The following XDH variants were observed in gnomAD, a reference collection of about 807,000 sequenced individuals.
XDH encodes xanthine dehydrogenase/oxidase.
In XDH, 138 loss-of-function variants were observed where a neutral mutation model predicts 156.1. The observed-to-expected ratio is 0.88, with a 90% CI of 0.77 to 1.02. The LOEUF is 1.02. Among genes scored for constraint, XDH ranks in the 50% least tolerant of loss-of-function variants. The pLI is 0.00. For synonymous variants in XDH, 669 were observed against 625.7 expected, an observed-to-expected ratio of 1.07 and a Z score of -1.03; for missense variants, 1,849 against 1,684.9, an observed-to-expected ratio of 1.10 and a Z score of -1.71.
chr2:31,394,495 T>C (rs563253333), intron 6 of XDH, among the ~76,000 whole-genome samples: 94 of 152,282 alleles, frequency 6.2e-4, no homozygotes, highest in South Asian at 4.6e-3. Flanking sequence ...TGCCTTGGTA[T>C]AGTTTTTGTT....
chr2:31,343,629 G>C (rs1397196423), intron 31 of XDH, among the ~76,000 whole-genome samples: 1 of 131,030 alleles, frequency 7.6e-6, no homozygotes, highest in Non-Finnish European at 1.7e-5. Context: ...ATATGGCATA[G>C]AAATGTTTTG....
rs772307239 is a variant in XDH at position 31,372,185 on chromosome 2, C to T, written c.1856+43G>A. 6.2e-6 allele frequency: 10 copies of T among 1,613,880 alleles called. No individual in the cohort carries two copies. The African/African-American group carries it at 6.7e-5, about 11-fold the overall frequency. On this transcript the variant is annotated intron_variant, in intron 17 of 35. Coordinates refer to ENST00000379416, the MANE Select transcript of XDH (RefSeq NM_000379.4). ...AGTCTCCTGGGTACTCCCAGTGGCC[C>T]CCTCACAGCATTCCACCAGCTCCTC...
At chr2:31,348,803 A>G (rs1021847187) in intron 27 of XDH, 96 bp downstream of exon 27, 6 of 1,113,998 alleles carry the variant, frequency 5.4e-6, no homozygotes, top group Admixed American at 3.6e-5. Flanking sequence ...AAGCCCTGTT[A>G]CCAGTGACAA....
Position 31,365,526 on chromosome 2 carries a change from T to G in XDH, c.2475A>C (p.Arg825=), listed in dbSNP as rs1685889243. 2 of 1,614,144 alleles carry G rather than the reference T, an allele frequency of 1.2e-6. No individual in the cohort carries two copies. The highest frequency in any genetic ancestry group is 4.5e-5 in the East Asian group (2 of 44,860). The change falls in exon 23 of 36, where the codon CGA becomes CGC. Residue 825 remains arginine, a synonymous_variant. Coordinates refer to ENST00000379416, the MANE Select transcript of XDH (RefSeq NM_000379.4). The part of the protein sequence containing the change: ...LAAYKTGRPV[R]CMLDRDEDML... ...TGTCCTCATCACGGTCCAGCATGCA[T>G]CGCACAGGGCGGCCGGTCCTGGGGG... is the stretch of plus-strand genomic sequence containing the variant.
In XDH at chr2:31,364,173, C is replaced by G; in HGVS notation, c.2616G>C (p.Gln872His). The G allele has an allele frequency of 7.4e-6, 12 of 1,614,072 alleles. No individual in the cohort carries two copies. The highest frequency in any genetic ancestry group is 1.0e-5 in the Non-Finnish European group (12 of 1,180,008). The change falls in exon 24 of 36, where the codon CAG becomes CAC. Residue 872 changes from glutamine (Q) to histidine (H), a missense_variant. By Grantham distance (24) the Gln-to-His change is conservative (BLOSUM62 0). Transcript: ENST00000379416. ...VDHFSNVGNTQDLSQSIMERA... is the reference protein window; with the variant it reads ...VDHFSNVGNTHDLSQSIMERA... ...TCCTACTCACACTCTGAGAGAGATC[C>G]TGGGTGTTCCCCACATTGCTGAAGT...
At chr2:31,404,900 G>C (rs534341463) in intron 2 of XDH, among the ~76,000 whole-genome samples, 1 of 152,194 alleles carries the variant, frequency 6.6e-6, no homozygotes, top group Non-Finnish European at 1.5e-5. Flanking sequence ...ACTTCTGTGC[G>C]TGTTATAATA....
chr2:31,350,368 CTTTTTTTT>C (rs35646405), intron 24 of XDH, 145 bp from the exon 25 acceptor site: 24 of 259,902 alleles, frequency 9.2e-5, no homozygotes, highest in Middle Eastern at 1.2e-3. Flanking sequence ...GCAGCAGCAT[CTTTTTTTT>C]TTTTTTTTTT....
chr2:31,375,469 C>T lies in XDH; in HGVS notation c.1513G>A (p.Val505Met), dbSNP rs1233321582. 1.2e-6 allele frequency: 2 copies of T among 1,614,230 alleles called. No homozygotes were observed. Among genetic ancestry groups the T allele is most frequent in the Non-Finnish European group, 1.7e-6 (2 of 1,180,048 alleles). Residue 505 changes from valine to methionine, a missense_variant, in exon 15 of 36, where the codon GTG (valine) becomes ATG (methionine). Transcript: ENST00000379416. ...HLPPDAPGGM[V>M]DFRCTLTLSF... is the part of the protein sequence containing the mutation. ...AGGGTGAGGGTGCACCGGAAGTCCA[C>T]CATGCCACCAGGGGCATCGGGAGGC...
In XDH at chr2:31,343,310, A is replaced by ATATATATATATATATATATATGCATGTT. The variant is rs1553411675; in HGVS notation, c.3405-1014_3405-1013insAACATGCATATATATATATATATATATA. On this transcript the variant is annotated intron_variant, in intron 31 of 35. Transcript: ENST00000379416. ...CATATATATATATATATATATATAT[A>ATATATATATATATATATATATGCATGTT]TATATATATATATATATGCATGTTT... Among the ~76,000 whole-genome samples the ATATATATATATATATATATATGCATGTT allele has an allele frequency of 2.9e-3, 300 of 101,900 alleles. 1 individual carries two copies. Among genetic ancestry groups the ATATATATATATATATATATATGCATGTT allele is most frequent in the Middle Eastern group, 6.8e-3 (1 of 148 alleles). 66.9% of individuals were successfully genotyped at this position (101,900 alleles called of 152,430 possible). A position where few individuals can be genotyped will look rare whatever the true frequency, so the allele number is the denominator to read the frequency against.
Position 31,372,215 on chromosome 2 carries a change from C to A in XDH, c.1856+13G>T. On this transcript the variant is annotated intron_variant, in intron 17 of 35. Coordinates refer to ENST00000379416, the MANE Select transcript of XDH (RefSeq NM_000379.4). ...ACAGCATTCCACCAGCTCCTCCTGG[C>A]GGTGTCACTCACTTGATCTTGGCGT... is the stretch of plus-strand genomic sequence containing the variant. The A allele has an allele frequency of 6.2e-7, 1 of 1,614,168 alleles. No homozygotes were observed. The highest frequency in any genetic ancestry group is 8.5e-7 in the Non-Finnish European group (1 of 1,180,006).
At chr2:31,401,599 G>A (rs1047546547) in intron 3 of XDH, among the ~76,000 whole-genome samples, 1 of 152,198 alleles carries the variant, frequency 6.6e-6, no homozygotes, top group Non-Finnish European at 1.5e-5. Context: ...CAGGAGCAAC[G>A]GAGCCAGGGT....
At chr2:31,411,459 T>C (rs1402312162) in intron 1 of XDH, among the ~76,000 whole-genome samples, 1 of 152,076 alleles carries the variant, frequency 6.6e-6, no homozygotes, top group Non-Finnish European at 1.5e-5. Context: ...TACATGTGTA[T>C]CTGTGTGTGT....
chr2:31,364,944 G>T (rs1028947758), intron 23 of XDH, among the ~76,000 whole-genome samples: 1 of 152,160 alleles, frequency 6.6e-6, no homozygotes, highest in African/African-American at 2.4e-5. Flanking sequence ...ACAGGGAAAG[G>T]GTGCATTGGT....
In XDH at chr2:31,347,579, G is replaced by A. The variant is rs575701054; in HGVS notation, c.3219C>T (p.Pro1073=). ...YISETSTNTV[P]NTSPTAASVS... ...CAGAGGCAGCCGTGGGAGAGGTGTT[G>A]GGCACAGTGTTAGTGCTTGTCTCGC... The change falls in exon 29 of 36, where the codon CCC becomes CCT. Residue 1073 remains proline, a synonymous_variant. Transcript: ENST00000379416. 1.4e-5 allele frequency: 23 copies of A among 1,614,158 alleles called. No homozygotes were observed. The South Asian group carries it at 2.5e-4, about 18-fold the overall frequency.
At position 31,383,150 on chromosome 2, in the gene XDH, T is replaced by A. The variant is rs781555071; in HGVS notation, c.889A>T (p.Ile297Phe). 1.2e-6 allele frequency: 2 copies of A among 1,614,170 alleles called. No individual in the cohort carries two copies. Among genetic ancestry groups the A allele is most frequent in the Middle Eastern group, 3.3e-4 (2 of 6,062 alleles). ...LNSVEHGPDGISFGAACPLSI... is the reference protein window; with the variant it reads ...LNSVEHGPDGFSFGAACPLSI... ...AGGGGGCAAGCAGCTCCAAAGGAGA[T>A]ACCTGGGAACGCACGTTCGGAATCA... Residue 297 changes from isoleucine to phenylalanine, a missense_variant and splice_region_variant, in exon 11 of 36, where the codon ATC (isoleucine) becomes TTC (phenylalanine). Physicochemically the swap from Ile to Phe is conservative, Grantham distance 21. Transcript: ENST00000379416.
intron 1 of XDH, among the ~76,000 whole-genome samples, chr2:31,409,240 C>A (rs1343061441): frequency 6.6e-6 from 1 of 152,108 alleles, no homozygotes; most frequent in Non-Finnish European, 1.5e-5. Context: ...AACAGAATAA[C>A]TACAGTCAAT....
At chr2:31,364,688 T>A (rs1161914346) in intron 23 of XDH, among the ~76,000 whole-genome samples, 1 of 152,186 alleles carries the variant, frequency 6.6e-6, no homozygotes, top group Non-Finnish European at 1.5e-5. Flanking sequence ...CTTGACCTTA[T>A]GTACACTGTT....
intron 29 of XDH, 30 bp from the exon 30 acceptor site, chr2:31,346,873 A>G (rs1482341649): frequency 3.7e-6 from 6 of 1,613,560 alleles, no homozygotes; most frequent in Admixed American, 1.7e-5. Flanking sequence ...CACCCCAGAC[A>G]CATCAGTCCT....
chr2:31,411,145 C>T (rs1235929524), intron 1 of XDH, among the ~76,000 whole-genome samples: 5 of 151,778 alleles, frequency 3.3e-5, no homozygotes, highest in African/African-American at 7.2e-5. Context: ...TAGCCAGGCA[C>T]GGTGGTGGGC....
Sources: allele counts gnomAD v4.1 joint callset (sites outside exome capture counted in the v4.1 genomes callset), GRCh38; gene constraint gnomAD v4.1.1; transcripts MANE v1.5; gene names NCBI Gene and HGNC (gene_info 2026-07-23, HGNC 2026-07-21).